FRMD4B: variants seen among roughly 807,000 people sequenced by gnomAD.
FRMD4B encodes the protein FERM domain-containing protein 4B.
Under a neutral mutation model 141.5 loss-of-function variants are expected in FRMD4B, and 74 were observed. The observed-to-expected ratio is 0.52, with a 90% confidence interval of 0.43 to 0.63. FRMD4B has a LOEUF of 0.63. FRMD4B is among the 30% of genes least tolerant of loss of function. FRMD4B has a pLI of 0.00. For missense variants in FRMD4B, 1,366 were observed against 1,253.4 expected (o/e 1.09, Z -1.36); for synonymous variants, 506 against 467.9 (o/e 1.08, Z -1.05).
chr3:69,242,812 G>A (rs1219316666), intron 7 of FRMD4B, among the ~76,000 whole-genome samples: 2 of 151,492 alleles, frequency 1.3e-5, no homozygotes, highest in Non-Finnish European at 2.9e-5. Context: ...GGCCAACATG[G>A]TGAAACCCCG....
intron 4 of FRMD4B, among the ~76,000 whole-genome samples, chr3:69,294,324 G>C (rs1415068829): frequency 6.6e-6 from 1 of 152,156 alleles, no homozygotes; most frequent in Non-Finnish European, 1.5e-5. Context: ...TAATGACCCT[G>C]CAAGGTAGTC....
rs147456379 is a variant in FRMD4B, at chr3:69,446,316, G to T, written c.-128-13555C>A. Reference sequence around the variant, plus strand: ...GCTGGGTTTGCAGGCGTGAGCCACCGTGACTAGCCTACAAATTTTTTTATT... The same window carrying T: ...GCTGGGTTTGCAGGCGTGAGCCACCTTGACTAGCCTACAAATTTTTTTATT... On this transcript the variant is annotated intron_variant, in intron 1 of 5. Transcript: ENST00000459638. Among the ~76,000 whole-genome samples, 604 of 150,424 alleles carry T rather than the reference G, an allele frequency of 4.0e-3. 4 individuals carry two copies. Among genetic ancestry groups the T allele is most frequent in the African/African-American group, 0.014 (582 of 40,832 alleles).
At chr3:69,467,797 T>C (rs1473726165) in intron 1 of FRMD4B, among the ~76,000 whole-genome samples, 3 of 152,186 alleles carry the variant, frequency 2.0e-5, no homozygotes, top group Non-Finnish European at 2.9e-5. Flanking sequence ...GGGTACAGAA[T>C]CCATGCTAGG....
chr3:69,416,178 C>A (rs1209456267), intron 2 of FRMD4B, among the ~76,000 whole-genome samples: 2 of 152,126 alleles, frequency 1.3e-5, no homozygotes, highest in African/African-American at 4.8e-5. Context: ...TAAGCATCCC[C>A]AAAGATGCAA....
At chr3:69,212,864 A>G (rs1419005323) in intron 11 of FRMD4B, among the ~76,000 whole-genome samples, 1 of 152,238 alleles carries the variant, frequency 6.6e-6, no homozygotes, top group Non-Finnish European at 1.5e-5. Context: ...CAGAAGAGAA[A>G]TAAGTTAGCA....
At chr3:69,198,487 G>A (rs1419306290) in intron 12 of FRMD4B, 1 of 546,696 alleles carries the variant, frequency 1.8e-6, no homozygotes, top group Non-Finnish European at 3.3e-6. Flanking sequence ...CTGCTGCTTG[G>A]GATGTAAAAT....
chr3:69,310,516 G>A (rs1031577099), intron 3 of FRMD4B: 1 of 450,520 alleles, frequency 2.2e-6, no homozygotes, highest in African/African-American at 2.1e-5. Flanking sequence ...AGGCAAATTG[G>A]GCTGCCATAA....
intron 5 of FRMD4B, among the ~76,000 whole-genome samples, chr3:69,254,080 A>G (rs2093478718): frequency 6.6e-6 from 1 of 152,098 alleles, no homozygotes; most frequent in South Asian, 2.1e-4. Context: ...ACCCTGTCTC[A>G]AAAACAAAAA....
At chr3:69,285,488 A>G (rs1449920448) in intron 5 of FRMD4B, among the ~76,000 whole-genome samples, 1 of 152,082 alleles carries the variant, frequency 6.6e-6, no homozygotes, top group Non-Finnish European at 1.5e-5. Context: ...ATAAATGCCA[A>G]TGACACACAC....
chr3:69,233,180 TA>T (rs1448803518), intron 7 of FRMD4B, among the ~76,000 whole-genome samples: 1 of 152,058 alleles, frequency 6.6e-6, no homozygotes, highest in Non-Finnish European at 1.5e-5. Flanking sequence ...TTTCTAAACC[TA>T]AGCTGTTTAG....
At position 69,475,401 on chromosome 3, in the gene FRMD4B, C is replaced by T. The variant is rs147489489; in HGVS notation, c.-128-42640G>A. Among the ~76,000 whole-genome samples, 448 of 151,214 alleles carry T rather than the reference C, an allele frequency of 3.0e-3. 3 individuals carry two copies. The highest frequency in any genetic ancestry group is 9.6e-3 in the African/African-American group (395 of 41,116). On this transcript the variant is annotated intron_variant, in intron 1 of 5. Coordinates refer to the FRMD4B transcript ENST00000459638. ...TCCCCAGAGTGTAACGTTCCCCTTCCGGTGTCCATGTGTTCTCACTGTTCA... is the reference window on the plus strand; with the variant it reads ...TCCCCAGAGTGTAACGTTCCCCTTCTGGTGTCCATGTGTTCTCACTGTTCA...
chr3:69,182,522 A>C, intron 20 of FRMD4B, 76 bp downstream of exon 20: 1 of 1,413,046 alleles, frequency 7.1e-7, no homozygotes. Context: ...AAATGATTAA[A>C]AAACACAATA....
chr3:69,255,575 T>C (rs992768376), intron 5 of FRMD4B, among the ~76,000 whole-genome samples: 5 of 152,056 alleles, frequency 3.3e-5, no homozygotes, highest in East Asian at 1.9e-4. Flanking sequence ...AAGAAAAATA[T>C]AGACATATAT....
chr3:69,459,226 G>A (rs185547360), intron 1 of FRMD4B, among the ~76,000 whole-genome samples: 1 of 152,176 alleles, frequency 6.6e-6, no homozygotes, highest in East Asian at 1.9e-4. Flanking sequence ...GTAAATTATG[G>A]TTCTCTGCTT....
At chr3:69,224,468 GTCTAC>G (rs1316758644) in intron 8 of FRMD4B, 134 bp downstream of exon 8, 14 of 674,884 alleles carry the variant, frequency 2.1e-5, no homozygotes, top group Non-Finnish European at 3.7e-5. Context: ...AAGGATCAAG[GTCTAC>G]CTATGGTTAC....
chr3:69,220,842 A>G (rs1036777467), intron 9 of FRMD4B, among the ~76,000 whole-genome samples: 1 of 152,226 alleles, frequency 6.6e-6, no homozygotes, highest in African/African-American at 2.4e-5. Flanking sequence ...TGACAGAGCA[A>G]GACTCTGTCT....
Position 69,182,620 on chromosome 3 carries a change from C to A in FRMD4B, c.2017G>T (p.Ala673Ser), listed in dbSNP as rs772637857. The change falls in exon 20 of 23, where the codon GCC (alanine) becomes TCC (serine). Residue 673 changes from alanine (A) to serine (S), a missense_variant. Transcript: ENST00000398540. ...MPTTPVLTRN[A>S]YSSSHLEPES... ...TACTCCAAGTGGCTGCTGCTGTAGGCGTTTCGGGTAAGAACTGGCGTGGTG... is the reference window on the plus strand; with the variant it reads ...TACTCCAAGTGGCTGCTGCTGTAGGAGTTTCGGGTAAGAACTGGCGTGGTG... The A allele has an allele frequency of 6.2e-7, 1 of 1,612,212 alleles. No homozygotes were observed. Among genetic ancestry groups the A allele is most frequent in the African/African-American group, 1.3e-5 (1 of 74,724 alleles).
At chr3:69,502,435 G>A (rs1706513616) in intron 1 of FRMD4B, among the ~76,000 whole-genome samples, 1 of 152,122 alleles carries the variant, frequency 6.6e-6, no homozygotes, top group African/African-American at 2.4e-5. Context: ...ATGGGGAAAG[G>A]ATTCCCTATT....
At chr3:69,258,073 C>A (rs2093503598) in intron 5 of FRMD4B, among the ~76,000 whole-genome samples, 1 of 152,192 alleles carries the variant, frequency 6.6e-6, no homozygotes, top group African/African-American at 2.4e-5. Context: ...AAGTGATCTG[C>A]TTGCCTCAGC....
Sources: allele counts gnomAD v4.1 joint callset (sites outside exome capture counted in the v4.1 genomes callset), GRCh38; gene constraint gnomAD v4.1.1; transcripts MANE v1.5; gene names NCBI Gene and HGNC (gene_info 2026-07-23, HGNC 2026-07-21).